The following ARSJ variants were observed in gnomAD, a reference collection of about 807,000 sequenced individuals.
ARSJ encodes the protein arylsulfatase J.
ARSJ carries 26 observed loss-of-function variants against 35.9 expected under a neutral mutation model. That is an observed-to-expected ratio of 0.72 (90% CI 0.53 to 1.00). ARSJ has a LOEUF of 1.00. Among genes scored for constraint, ARSJ ranks in the 50% least tolerant of loss-of-function variants. The probability of loss-of-function intolerance (pLI) is 0.00; values close to 1 mark genes in which losing one functional copy is unlikely to be tolerated. For synonymous variants in ARSJ, 294 were observed against 267.6 expected, an observed-to-expected ratio of 1.10 and a Z score of -0.96; for missense variants, 667 against 723.6, an observed-to-expected ratio of 0.92 and a Z score of 0.90.
intron 1 of ARSJ, chr4:113,943,620 A>C (rs1414357874): frequency 1.3e-5 from 2 of 152,070 alleles, no homozygotes; most frequent in African/African-American, 2.4e-5. Flanking sequence ...TATGGGAAAA[A>C]GCAAAATAAG....
intron 1 of ARSJ, chr4:113,970,726 G>C (rs948239773): frequency 1.3e-5 from 2 of 152,126 alleles, no homozygotes; most frequent in African/African-American, 4.8e-5. Flanking sequence ...AGGGCGAGGT[G>C]GGTGGATCAC....
intron 1 of ARSJ, among the ~76,000 whole-genome samples, chr4:113,918,654 A>G (rs1161528997): frequency 2.0e-5 from 3 of 152,162 alleles, no homozygotes; most frequent in Non-Finnish European, 4.4e-5. Flanking sequence ...CTTTCTTTAA[A>G]TTTCAAAAAT....
chr4:113,944,503 T>A (rs1344153429), intron 1 of ARSJ, among the ~76,000 whole-genome samples: 1 of 152,010 alleles, frequency 6.6e-6, no homozygotes, highest in Non-Finnish European at 1.5e-5. Flanking sequence ...TGAAACAACA[T>A]GTCCAATAAA....
At chr4:113,932,429 C>T (rs1015878798) in intron 1 of ARSJ, among the ~76,000 whole-genome samples, 1 of 152,042 alleles carries the variant, frequency 6.6e-6, no homozygotes, top group Non-Finnish European at 1.5e-5. Context: ...GCAAATGGAA[C>T]ATTTTCCAGA....
rs768164021 is a variant in ARSJ, at chr4:113,902,661, A to G, written c.1413T>C (p.Ser471=). 1 of 1,614,042 alleles carries G rather than the reference A, an allele frequency of 6.2e-7. No individual in the cohort carries two copies. Among genetic ancestry groups the G allele is most frequent in the African/African-American group, 1.3e-5 (1 of 74,910 alleles). The part of the protein sequence containing the change: ...PGYSDWVPPQ[S]FSNLGPNRWH... ...ACCGGTTCGGTCCCAGGTTGCTGAA[A>G]GACTGAGGGGGGACCCAGTCGCTGT... The change falls in exon 2 of 2, where the codon TCT becomes TCC. Residue 471 remains serine (S), a synonymous_variant. Transcript: ENST00000315366.
chr4:113,974,264 T>C (rs1243172272), intron 1 of ARSJ, among the ~76,000 whole-genome samples: 1 of 151,740 alleles, frequency 6.6e-6, no homozygotes, highest in East Asian at 1.9e-4. Context: ...GATTATAACA[T>C]GGATTACAAG....
rs567279867 is a variant in ARSJ at position 113,956,768 on chromosome 4, C to G, written c.398+21669G>C. On this transcript the variant is annotated intron_variant, in intron 1 of 1. Transcript: ENST00000315366. ...TCATGCAATGGTGACATGGTCACTG[C>G]AAGTAGATCACAGGGTACTTGAACG... Among the ~76,000 whole-genome samples, 5 of 152,034 alleles carry G rather than the reference C, an allele frequency of 3.3e-5. No homozygotes were observed. In the South Asian group the frequency reaches 1.0e-3, roughly 32 times the overall value.
intron 1 of ARSJ, among the ~76,000 whole-genome samples, chr4:113,947,429 G>T (rs564826920): frequency 6.6e-6 from 1 of 151,252 alleles, no homozygotes. Flanking sequence ...GCAGTGAGCC[G>T]AGATTCTGCA....
intron 1 of ARSJ, among the ~76,000 whole-genome samples, chr4:113,955,067 A>G (rs1726091672): frequency 6.7e-6 from 1 of 150,076 alleles, no homozygotes; most frequent in Non-Finnish European, 1.5e-5. Context: ...TACCAGATGG[A>G]TGAAAATAAT....
chr4:113,905,012 T>C (rs74583911), intron 1 of ARSJ, among the ~76,000 whole-genome samples: 3,494 of 152,330 alleles, frequency 0.023, 115 homozygotes, highest in African/African-American at 0.079. Flanking sequence ...TAACACTTTC[T>C]AATATGTTAA....
intron 1 of ARSJ, among the ~76,000 whole-genome samples, chr4:113,944,832 T>C (rs1230959160): frequency 6.6e-6 from 1 of 152,120 alleles, no homozygotes; most frequent in Non-Finnish European, 1.5e-5. Flanking sequence ...TTGTTGCCTA[T>C]GAATATTAAC....
rs770607415 is a variant in ARSJ, at chr4:113,978,403, C to A, written c.398+34G>T. ...TCTTCATTAAATGCTTAAGATTTCT[C>A]CAAGGAATAAATATAAGAAGTAGGA... is the stretch of plus-strand genomic sequence containing the variant. On this transcript the variant is annotated intron_variant, in intron 1 of 1. Coordinates refer to ENST00000315366, the MANE Select transcript of ARSJ (RefSeq NM_024590.4). The A allele has an allele frequency of 2.0e-6, 3 of 1,517,452 alleles. No individual in the cohort carries two copies. In the South Asian group the frequency reaches 3.9e-5, roughly 20 times the overall value. 94.0% of individuals were successfully genotyped at this position (1,517,452 alleles called of 1,614,324 possible). A position where few individuals can be genotyped will look rare whatever the true frequency, so the allele number is the denominator to read the frequency against.
chr4:113,929,031 G>A (rs1041138503), intron 1 of ARSJ, among the ~76,000 whole-genome samples: 6 of 151,858 alleles, frequency 4.0e-5, no homozygotes, highest in Admixed American at 3.3e-4. Flanking sequence ...TTGACTCATC[G>A]AGCTGCAACA....
chr4:113,902,920 A>G lies in ARSJ; in HGVS notation c.1154T>C (p.Ile385Thr). ...VHITDWYPTL[I>T]SLAEGQIDED... ...ATCAATCTGTCCTTCAGCCAGTGAA[A>G]TGAGAGTGGGGTACCAGTCAGTGAT... The change falls in exon 2 of 2, where the codon ATT (isoleucine) becomes ACT (threonine). Residue 385 changes from isoleucine (I) to threonine (T), a missense_variant. Transcript: ENST00000315366. 6.2e-7 allele frequency: 1 copy of G among 1,614,156 alleles called. No individual in the cohort carries two copies. Among genetic ancestry groups the G allele is most frequent in the Non-Finnish European group, 8.5e-7 (1 of 1,180,020 alleles).
rs888956801 is a variant in ARSJ at position 113,902,727 on chromosome 4, G to A, written c.1347C>T (p.Ile449=). 3.1e-6 allele frequency: 5 copies of A among 1,614,200 alleles called. No individual in the cohort carries two copies. Among genetic ancestry groups the A allele is most frequent in the Non-Finnish European group, 3.4e-6 (4 of 1,180,038 alleles). The part of the protein sequence containing the change: ...GIWNTAIQSA[I]RVQHWKLLTG... ...TAAGCAATTTCCAGTGCTGCACTCT[G>A]ATGGCTGACTGGATTGCAGTGTTCC... Residue 449 remains isoleucine, a synonymous_variant, in exon 2 of 2, where the codon ATC becomes ATT. Transcript: ENST00000315366.
intron 1 of ARSJ, among the ~76,000 whole-genome samples, chr4:113,941,357 G>A (rs1327033530): frequency 6.6e-6 from 1 of 151,906 alleles, no homozygotes; most frequent in Non-Finnish European, 1.5e-5. Context: ...TTATATTCAC[G>A]TTTTGATTCA....
chr4:113,906,958 G>T (rs569973769), intron 1 of ARSJ, among the ~76,000 whole-genome samples: 20 of 152,170 alleles, frequency 1.3e-4, no homozygotes, highest in Non-Finnish European at 2.6e-4. Flanking sequence ...TGAGAAGTCA[G>T]ATTTTTTAAG....
Position 113,947,131 on chromosome 4 carries a change from C to T in ARSJ, c.398+31306G>A, listed in dbSNP as rs190244908. 6.9e-3 allele frequency among the ~76,000 whole-genome samples: 1,046 copies of T among 152,026 alleles called. 20 individuals are homozygous for T. Among genetic ancestry groups the T allele is most frequent in the Non-Finnish European group, 7.6e-3 (518 of 67,972 alleles). On this transcript the variant is annotated intron_variant, in intron 1 of 1. Coordinates refer to ENST00000315366, the MANE Select transcript of ARSJ (RefSeq NM_024590.4). ...CCAATAAGATATTTTGTAATATAGA[C>T]ATATATAGTCAAATATTTTAAATTG...
chr4:113,903,506 T>C lies in ARSJ; in HGVS notation c.568A>G (p.Arg190Gly). The C allele has an allele frequency of 1.9e-6, 3 of 1,614,194 alleles. No homozygotes were observed. The highest frequency in any genetic ancestry group is 1.7e-6 in the Non-Finnish European group (2 of 1,180,034). ...CCAAAAAAGGTATCAAATCCTCTTC[T>C]GGTGGGCATGCATTCTTTTCTGTAA... ...GFYRKECMPT[R>G]RGFDTFFGSL... The change falls in exon 2 of 2, where the codon AGA (arginine) becomes GGA (glycine). Residue 190 changes from arginine to glycine, a missense_variant. Coordinates refer to ENST00000315366, the MANE Select transcript of ARSJ (RefSeq NM_024590.4).
Sources: allele counts gnomAD v4.1 joint callset (sites outside exome capture counted in the v4.1 genomes callset), GRCh38; gene constraint gnomAD v4.1.1; transcripts MANE v1.5; gene names NCBI Gene and HGNC (gene_info 2026-07-23, HGNC 2026-07-21).